PDE8B: variants seen among roughly 807,000 people sequenced by gnomAD.
The protein encoded by PDE8B is phosphodiesterase 8B, also known as high affinity cAMP-specific and IBMX-insensitive 3',5'-cyclic phosphodiesterase 8B.
A neutral mutation model predicts 101.3 loss-of-function variants in PDE8B; 26 were observed. That is an observed-to-expected ratio of 0.26 (90% CI 0.19 to 0.36). The LOEUF is 0.36. Ranked by LOEUF, PDE8B falls within the 10% of genes least tolerant of loss-of-function variation. PDE8B has a pLI of 1.00. For synonymous variants in PDE8B, 424 were observed against 429.3 expected (o/e 0.99, Z 0.15); for missense variants, 810 against 1,163.1 (o/e 0.70, Z 4.42).
chr5:77,169,133 T>G, the PDE8B span, among the ~76,000 whole-genome samples: 5 of 152,210 alleles, frequency 3.3e-5, no homozygotes. Context: ...TGGGTGTCAG[T>G]GAGTTTTCAC....
chr5:77,281,251 G>A (rs1211067336), intron 1 of PDE8B, among the ~76,000 whole-genome samples: 2 of 152,210 alleles, frequency 1.3e-5, no homozygotes, highest in African/African-American at 2.4e-5. Context: ...GGGTCTTCCA[G>A]CGTCCCTCCC....
At chr5:77,120,195 T>A in the PDE8B span, among the ~76,000 whole-genome samples, 7 of 152,190 alleles carry the variant, frequency 4.6e-5, no homozygotes, top group African/African-American at 1.7e-4. Flanking sequence ...ATTTTCCTAT[T>A]TAAAGTTCTA....
chr5:77,381,996 G>A (rs1446799835), intron 10 of PDE8B, among the ~76,000 whole-genome samples: 1 of 152,138 alleles, frequency 6.6e-6, no homozygotes, highest in South Asian at 2.1e-4. Flanking sequence ...TCTGTTTCAG[G>A]CTGTTCTGAT....
chr5:77,139,343 A>C, the PDE8B span: 1 of 152,288 alleles, frequency 6.6e-6, no homozygotes, highest in Non-Finnish European at 1.5e-5. Context: ...CTCAAGCCCA[A>C]GAGAACCTCT....
At chr5:77,408,577 T>A (rs1466707205) in intron 13 of PDE8B, among the ~76,000 whole-genome samples, 2 of 152,096 alleles carry the variant, frequency 1.3e-5, no homozygotes, top group African/African-American at 4.8e-5. Flanking sequence ...AGACAAAATA[T>A]CATTTCTGGA....
At chr5:77,424,806 GTTCTGTTT>G (rs1797574842) in intron 20 of PDE8B, among the ~76,000 whole-genome samples, 1 of 143,026 alleles carries the variant, frequency 7.0e-6, no homozygotes, top group South Asian at 2.2e-4. Flanking sequence ...AGTGAAACTG[GTTCTGTTT>G]TTTTGTTTTT....
At chr5:77,389,030 A>G (rs776102228) in intron 10 of PDE8B, among the ~76,000 whole-genome samples, 6 of 152,106 alleles carry the variant, frequency 3.9e-5, no homozygotes, top group Non-Finnish European at 5.9e-5. Flanking sequence ...GGACCCGCTG[A>G]GCCAGACCAC....
chr5:77,225,076 C>G (rs1291591218), intron 1 of PDE8B, among the ~76,000 whole-genome samples: 1 of 152,144 alleles, frequency 6.6e-6, no homozygotes, highest in Non-Finnish European at 1.5e-5. Flanking sequence ...TGATTGTTGC[C>G]TAGATCAATT....
chr5:77,359,586 A>G (rs577012735), intron 10 of PDE8B, among the ~76,000 whole-genome samples: 34 of 152,292 alleles, frequency 2.2e-4, no homozygotes, highest in African/African-American at 7.2e-4. Context: ...AGGTATCCCT[A>G]TGGTGGGGAT....
chr5:77,383,009 C>T (rs1470679029), intron 10 of PDE8B, among the ~76,000 whole-genome samples: 4 of 152,192 alleles, frequency 2.6e-5, no homozygotes, highest in Non-Finnish European at 5.9e-5. Flanking sequence ...TGAGGAATCG[C>T]CACACTGTCT....
chr5:77,175,258 A>G, the PDE8B span, among the ~76,000 whole-genome samples: 1 of 148,186 alleles, frequency 6.7e-6, no homozygotes, highest in Non-Finnish European at 1.5e-5. Flanking sequence ...CCTAGAATTG[A>G]TTCTCCACAC....
intron 10 of PDE8B, among the ~76,000 whole-genome samples, chr5:77,370,157 A>G (rs1784837724): frequency 1.3e-5 from 2 of 152,176 alleles, no homozygotes; most frequent in Non-Finnish European, 2.9e-5. Context: ...ATCTGCTTAC[A>G]TTTTATGTAA....
intron 1 of PDE8B, among the ~76,000 whole-genome samples, chr5:77,250,228 C>A (rs759038684): frequency 2.0e-5 from 3 of 152,178 alleles, no homozygotes; most frequent in Non-Finnish European, 4.4e-5. Flanking sequence ...TAGAGAGTAT[C>A]ATTTACATTT....
intron 10 of PDE8B, chr5:77,358,444 T>C (rs1782505910): frequency 2.0e-6 from 2 of 985,276 alleles, no homozygotes; most frequent in Admixed American, 6.1e-5. Context: ...ATTAATCTTA[T>C]GCTGCTTTGG....
intron 10 of PDE8B, among the ~76,000 whole-genome samples, chr5:77,364,099 T>A (rs1425349921): frequency 6.6e-6 from 1 of 152,088 alleles, no homozygotes; most frequent in Non-Finnish European, 1.5e-5. Context: ...GAATCCTGGG[T>A]CTCTTTTATG....
intron 1 of PDE8B, among the ~76,000 whole-genome samples, chr5:77,216,956 C>T (rs938932178): frequency 3.9e-5 from 6 of 152,112 alleles, no homozygotes; most frequent in African/African-American, 7.2e-5. Context: ...GGAGCTACCT[C>T]GGTATAGATA....
chr5:77,202,391 C>T, the PDE8B span, among the ~76,000 whole-genome samples: 1 of 152,192 alleles, frequency 6.6e-6, no homozygotes, highest in Non-Finnish European at 1.5e-5. Context: ...AACCCCTCCT[C>T]CTCTTCCTCC....
chr5:77,385,796 T>TTTC (rs146942645), intron 10 of PDE8B, among the ~76,000 whole-genome samples: 4 of 22,874 alleles, frequency 1.7e-4, no homozygotes, highest in African/African-American at 3.3e-4. Context: ...GTGAGTGAGG[T>TTTC]TTTTTTTTTT....
At chr5:77,202,509 CATTTT>C in the PDE8B span, among the ~76,000 whole-genome samples, 1 of 152,130 alleles carries the variant, frequency 6.6e-6, no homozygotes, top group African/African-American at 2.4e-5. Context: ...TTCTTAATAA[CATTTT>C]CTTTTCTCTA....
Sources: allele counts gnomAD v4.1 joint callset (sites outside exome capture counted in the v4.1 genomes callset), GRCh38; gene constraint gnomAD v4.1.1; transcripts MANE v1.5; gene names NCBI Gene and HGNC (gene_info 2026-07-23, HGNC 2026-07-21).